The following ERICH6 variants were observed in gnomAD, a reference collection of about 807,000 sequenced individuals.
ERICH6 encodes glutamate rich 6, also known as glutamate-rich protein 6.
Under a neutral mutation model 71.0 loss-of-function variants are expected in ERICH6, and 71 were observed. The observed-to-expected ratio is 1.00, with a 90% CI of 0.83 to 1.22. The LOEUF (loss-of-function observed/expected upper bound fraction) is 1.22, where lower values mean the gene tolerates loss of function less well. ERICH6 is among the 50% of genes most tolerant of loss of function. The pLI is 0.00. For synonymous variants in ERICH6, 262 were observed against 278.4 expected (o/e 0.94, Z 0.59); for missense variants, 808 against 797.2 (o/e 1.01, Z -0.16).
chr3:150,661,118 G>A (rs763709697), intron 13 of ERICH6, among the ~76,000 whole-genome samples: 2 of 152,234 alleles, frequency 1.3e-5, no homozygotes, highest in East Asian at 3.9e-4. Context: ...AGATTTCATC[G>A]GCAGGATAAT....
chr3:150,685,083 T>C (rs1328548208), intron 6 of ERICH6, among the ~76,000 whole-genome samples: 2 of 152,146 alleles, frequency 1.3e-5, no homozygotes, highest in African/African-American at 4.8e-5. Flanking sequence ...AAGTGATCTG[T>C]CTCAGCCTCC....
intron 3 of ERICH6, among the ~76,000 whole-genome samples, chr3:150,696,844 G>T (rs1006033559): frequency 1.3e-5 from 2 of 152,094 alleles, no homozygotes; most frequent in African/African-American, 4.8e-5. Flanking sequence ...CGCATACTTT[G>T]GGTCAGCTCT....
chr3:150,684,796 T>G (rs4680094), intron 6 of ERICH6, among the ~76,000 whole-genome samples: 2 of 151,972 alleles, frequency 1.3e-5, no homozygotes, highest in East Asian at 3.9e-4. Flanking sequence ...TTCTTTCTTT[T>G]TTTTTTAATA....
chr3:150,680,969 A>G, intron 7 of ERICH6, 39 bp from the exon 8 acceptor site: 1 of 1,560,972 alleles, frequency 6.4e-7, no homozygotes, highest in Non-Finnish European at 8.6e-7. Flanking sequence ...CATTAGTCCT[A>G]GATGAGGAGG....
At chr3:150,667,654 G>GC (rs1338419917) in intron 12 of ERICH6, among the ~76,000 whole-genome samples, 2 of 152,114 alleles carry the variant, frequency 1.3e-5, no homozygotes, top group Non-Finnish European at 2.9e-5. Flanking sequence ...ATCACGTTTA[G>GC]CCCCTCACCA....
intron 9 of ERICH6, among the ~76,000 whole-genome samples, chr3:150,680,249 A>T (rs1711848200): frequency 6.6e-6 from 1 of 152,178 alleles, no homozygotes; most frequent in Non-Finnish European, 1.5e-5. Context: ...ATTATTTTTC[A>T]TAGAGACAGG....
intron 3 of ERICH6, among the ~76,000 whole-genome samples, chr3:150,696,136 C>T (rs75419733): frequency 0.14 from 20,847 of 151,508 alleles, 1,548 homozygotes; most frequent in Non-Finnish European, 0.15. Flanking sequence ...TGTATGTACA[C>T]ACATGAAATA....
Position 150,703,574 on chromosome 3 carries a change from TAG to T in ERICH6, c.323_324del (p.Ser108TyrfsTer12), listed in dbSNP as rs913463230. Reference protein sequence around the residue: ...LASIVSPSLTSTFVPSQSATS... With the variant: ...LASIVSPSLTXTFVPSQSATS... The stretch of plus-strand genomic sequence containing the variant: ...GTCGCGCTCTGGCTGGGCACGAACG[TAG>T]AGGTCAGGCTAGGGCTGACGATGCT... On this transcript the variant is annotated frameshift_variant, in exon 1 of 14. Transcript: ENST00000295910. LOFTEE classifies it high-confidence loss of function. 1.2e-6 allele frequency: 2 copies of T among 1,613,680 alleles called. No homozygotes were observed. The highest frequency in any genetic ancestry group is 2.7e-5 in the African/African-American group (2 of 74,900).
chr3:150,671,548 GC>G (rs1711501684), intron 11 of ERICH6, among the ~76,000 whole-genome samples: 1 of 152,142 alleles, frequency 6.6e-6, no homozygotes, highest in African/African-American at 2.4e-5. Context: ...TGGAGGGATG[GC>G]AAAATCTATC....
At chr3:150,674,553 G>A (rs889983217) in intron 10 of ERICH6, among the ~76,000 whole-genome samples, 1 of 152,082 alleles carries the variant, frequency 6.6e-6, no homozygotes, top group African/African-American at 2.4e-5. Flanking sequence ...CTTCAAGAGT[G>A]TTTTGGTTAC....
rs565359091 is a variant in ERICH6 at position 150,703,799 on chromosome 3, C to T, written c.100G>A (p.Val34Met). The change falls in exon 1 of 14, where the codon GTG becomes ATG. Residue 34 changes from valine (V) to methionine (M), a missense_variant. By Grantham distance (21) the Val-to-Met change is conservative. Transcript: ENST00000295910. Reference protein sequence around the residue: ...ELEEEEEEEEVEEEEEEVEEE... With the variant: ...ELEEEEEEEEMEEEEEEVEEE... Reference sequence around the variant, plus strand: ...TCCACCTCTTCCTCCTCCTCCTCCACCTCTTCCTCCTCCTCCTCCTCCTCT... The same window carrying T: ...TCCACCTCTTCCTCCTCCTCCTCCATCTCTTCCTCCTCCTCCTCCTCCTCT... The T allele has an allele frequency of 2.2e-5, 35 of 1,612,006 alleles. 1 individual carries two copies. The highest frequency in any genetic ancestry group is 6.7e-5 in the East Asian group (3 of 44,810).
chr3:150,675,965 G>A (rs1398526304), intron 10 of ERICH6, among the ~76,000 whole-genome samples: 1 of 139,966 alleles, frequency 7.1e-6, no homozygotes, highest in Non-Finnish European at 1.5e-5. Context: ...TAAACCTGTT[G>A]ATTGGTCTCT....
Position 150,673,984 on chromosome 3 carries a change from A to G in ERICH6, c.1315T>C (p.Ser439Pro), listed in dbSNP as rs948670445. The change falls in exon 11 of 14, where the codon TCA becomes CCA. Residue 439 changes from serine (S) to proline (P), a missense_variant. By Grantham distance (74) the Ser-to-Pro change is moderately conservative (BLOSUM62 -1). This residue lies in a region of ERICH6 where 736 missense variants were observed against 712.2 expected (regional missense o/e 1.03). Transcript: ENST00000295910. ...ATTTGTGTTGTCCCATCTGGAAATG[A>G]AGTCAGAAACTTGCTCCCATGTTTG... Reference protein sequence around the residue: ...HYKHGSKFLTSFPDGTTQIFY... With the variant: ...HYKHGSKFLTPFPDGTTQIFY... The G allele has an allele frequency of 6.2e-7, 1 of 1,614,144 alleles. No individual in the cohort carries two copies. The highest frequency in any genetic ancestry group is 8.5e-7 in the Non-Finnish European group (1 of 1,179,998).
chr3:150,669,226 TA>T, intron 12 of ERICH6, 69 bp downstream of exon 12: 1 of 1,479,548 alleles, frequency 6.8e-7, no homozygotes, highest in Non-Finnish European at 9.0e-7. Context: ...TCTTATCATT[TA>T]AAAAGAAAAA....
In ERICH6 at chr3:150,680,326, C is replaced by A. The variant is rs907366939; in HGVS notation, c.1111+142G>T. Reference sequence around the variant, plus strand: ...CAAGCGATTCTCCCACCTTGGCTTCCCAAAGTGTTGGGATTACAGGCGTGA... The same window carrying A: ...CAAGCGATTCTCCCACCTTGGCTTCACAAAGTGTTGGGATTACAGGCGTGA... On this transcript the variant is annotated intron_variant, in intron 9 of 13. Transcript: ENST00000295910. 1.1e-4 allele frequency: 90 copies of A among 814,414 alleles called. 1 individual carries two copies. The highest frequency in any genetic ancestry group is 8.9e-4 in the South Asian group (48 of 53,980). 50.4% of individuals were successfully genotyped at this position (814,414 alleles called of 1,614,324 possible).
rs143549518 is a variant in ERICH6 at position 150,664,623 on chromosome 3, G to A, written c.1728+2164C>T. On this transcript the variant is annotated intron_variant, in intron 13 of 13. Coordinates refer to ENST00000295910, the MANE Select transcript of ERICH6 (RefSeq NM_152394.5). ...GATCACTCCACTGCACTCCAGTCTG[G>A]GCAACAGAGCGAGACTCCATCTGAA... 7.0e-3 allele frequency among the ~76,000 whole-genome samples: 1,054 copies of A among 151,394 alleles called. 6 individuals are homozygous for A. Among genetic ancestry groups the A allele is most frequent in the Middle Eastern group, 0.017 (5 of 292 alleles).
intron 3 of ERICH6, 100 bp downstream of exon 3, chr3:150,698,691 G>A: frequency 1.1e-6 from 1 of 945,960 alleles, no homozygotes; most frequent in Non-Finnish European, 1.7e-6. Flanking sequence ...TATGTGTTGG[G>A]GCTGGGATTC....
chr3:150,673,089 C>CTCCTTCCTTCCTTCCTTCCTTTT (rs1559911924), intron 11 of ERICH6, among the ~76,000 whole-genome samples: 3 of 150,584 alleles, frequency 2.0e-5, no homozygotes, highest in African/African-American at 7.3e-5. Flanking sequence ...AGGGTAGTCT[C>CTCCTTCCTTCCTTCCTTCCTTTT]TCCTTCCTTC....
intron 2 of ERICH6, among the ~76,000 whole-genome samples, chr3:150,700,020 T>C (rs528112310): frequency 1.0e-3 from 157 of 152,014 alleles, no homozygotes; most frequent in Non-Finnish European, 1.8e-3. Context: ...AGGATAAGAC[T>C]GGTGAGGCAG....
Sources: gnomAD v4.1 joint callset for allele counts (sites outside exome capture counted in the v4.1 genomes callset) on GRCh38, gnomAD v4.1.1 for gene constraint, gnomAD v4.1.1 regional missense constraint, MANE v1.5 for transcripts, NCBI Gene and HGNC (gene_info 2026-07-23, HGNC 2026-07-21) for gene names.